ZCCHC14: variants seen among roughly 807,000 people sequenced by gnomAD.
The protein encoded by ZCCHC14 is zinc finger CCHC domain-containing protein 14.
In ZCCHC14, 16 loss-of-function variants were observed where a neutral mutation model predicts 85.0. The ratio of observed to expected loss-of-function variants is 0.19; its 90% CI spans 0.13 to 0.29. The LOEUF is 0.29. Ranked by LOEUF, ZCCHC14 falls within the 10% of genes least tolerant of loss-of-function variation. ZCCHC14 has a pLI of 1.00. For synonymous variants in ZCCHC14, 775 were observed against 630.7 expected, an observed-to-expected ratio of 1.23 and a Z score of -3.43; for missense variants, 1,303 against 1,443.5, an observed-to-expected ratio of 0.90 and a Z score of 1.58.
intron 1 of ZCCHC14, chr16:87,470,981 G>A (rs1436810866): frequency 1.3e-5 from 2 of 151,922 alleles, no homozygotes; most frequent in Non-Finnish European, 2.9e-5. Flanking sequence ...TACAAGATGT[G>A]AATGATATGA....
chr16:87,433,401 C>A (rs1245025899), intron 2 of ZCCHC14, among the ~76,000 whole-genome samples, 200 bp from the exon 3 acceptor site: 2 of 152,130 alleles, frequency 1.3e-5, no homozygotes, highest in Non-Finnish European at 2.9e-5. Flanking sequence ...AGATTCACAA[C>A]AGAAAGGAGG....
rs753551669 is a variant in ZCCHC14, at chr16:87,491,107, G to A, written c.570+562C>T. On this transcript the variant is annotated intron_variant, in intron 1 of 12. Transcript: ENST00000671377. The surrounding 1 kb of genome is among the most constrained non-coding windows in gnomAD (Gnocchi z 5.9). ...AATGTGTGTTATCTGTCACCCAAGGGCCCCATTAAGGGGACAAAGGCCTTA... is the reference window on the plus strand; with the variant it reads ...AATGTGTGTTATCTGTCACCCAAGGACCCCATTAAGGGGACAAAGGCCTTA... 6.6e-6 allele frequency among the ~76,000 whole-genome samples: 1 copy of A among 152,254 alleles called. No homozygotes were observed. The highest frequency in any genetic ancestry group is 1.5e-5 in the Non-Finnish European group (1 of 68,046).
At chr16:87,474,381 C>CT (rs1312262356) in intron 1 of ZCCHC14, 2 of 152,276 alleles carry the variant, frequency 1.3e-5, no homozygotes, top group African/African-American at 4.8e-5. Flanking sequence ...TAAAACCCCC[C>CT]TTCACAGCCT....
intron 3 of ZCCHC14, among the ~76,000 whole-genome samples, chr16:87,427,389 G>C (rs1385817542): frequency 1.3e-5 from 2 of 152,202 alleles, no homozygotes; most frequent in East Asian, 3.9e-4. Flanking sequence ...ACTCGGAGCA[G>C]TCAGTGTTGC....
At chr16:87,423,262 C>T (rs1909197207) in intron 4 of ZCCHC14, among the ~76,000 whole-genome samples, 1 of 152,104 alleles carries the variant, frequency 6.6e-6, no homozygotes, top group Non-Finnish European at 1.5e-5. Flanking sequence ...ATCTGCTGAA[C>T]CAGATATTTG....
intron 1 of ZCCHC14, among the ~76,000 whole-genome samples, chr16:87,464,402 C>T (rs776010811): frequency 1.3e-5 from 2 of 152,322 alleles, no homozygotes; most frequent in Non-Finnish European, 2.9e-5. Flanking sequence ...GAACCAACCA[C>T]GACCCCAAGT....
intron 1 of ZCCHC14, chr16:87,472,014 G>C (rs915491727): frequency 1.3e-5 from 2 of 152,124 alleles, no homozygotes; most frequent in African/African-American, 2.4e-5. Flanking sequence ...CAGTGCTTCT[G>C]AGCAACTACT....
intron 1 of ZCCHC14, chr16:87,472,592 G>C (rs78178425): frequency 2.0e-5 from 3 of 152,392 alleles, no homozygotes; most frequent in Admixed American, 6.5e-5. Flanking sequence ...AGGTGACAGC[G>C]AGGGAACACA....
At chr16:87,456,610 T>G (rs1313828611) in intron 2 of ZCCHC14, among the ~76,000 whole-genome samples, 1 of 151,324 alleles carries the variant, frequency 6.6e-6, no homozygotes, top group Non-Finnish European at 1.5e-5. Context: ...CATGTTCTAA[T>G]TGGTTGGGAT....
intron 3 of ZCCHC14, among the ~76,000 whole-genome samples, chr16:87,431,472 G>GAAAAA (rs537437083): frequency 3.5e-4 from 27 of 76,246 alleles, no homozygotes; most frequent in Non-Finnish European, 5.5e-4. Context: ...GGCTCTGTCT[G>GAAAAA]AAAAAAAAAA....
intron 10 of ZCCHC14, 27 bp from the exon 11 acceptor site, chr16:87,413,222 C>T (rs1481967995): frequency 3.3e-6 from 5 of 1,500,930 alleles, no homozygotes; most frequent in Non-Finnish European, 2.7e-6. Flanking sequence ...GAGGAGCAGC[C>T]ATCAACTAGC....
At chr16:87,426,496 G>A (rs574226424) in intron 3 of ZCCHC14, among the ~76,000 whole-genome samples, 2 of 152,336 alleles carry the variant, frequency 1.3e-5, no homozygotes, top group Admixed American at 1.3e-4. Context: ...CACACAGCCC[G>A]TGCATGCTCA....
At chr16:87,438,716 G>C (rs1265611132) in intron 2 of ZCCHC14, among the ~76,000 whole-genome samples, 3 of 152,182 alleles carry the variant, frequency 2.0e-5, no homozygotes, top group Non-Finnish European at 2.9e-5. Flanking sequence ...ACGAGGCCTG[G>C]GCCCACGGTC....
intron 2 of ZCCHC14, among the ~76,000 whole-genome samples, chr16:87,454,869 G>A (rs533589901): frequency 1.4e-4 from 22 of 152,232 alleles, no homozygotes; most frequent in Non-Finnish European, 2.6e-4. Context: ...CTGGTAAACG[G>A]CTGACAACTG....
At position 87,420,733 on chromosome 16, in the gene ZCCHC14, G is replaced by C. The variant is rs766329633; in HGVS notation, c.841-17C>G. On this transcript the variant is annotated splice_polypyrimidine_tract_variant and intron_variant, in intron 4 of 12. Transcript: ENST00000671377. This position sits in a 1 kb window ranked among gnomAD's most constrained non-coding sequence, Gnocchi z 5.0. ...CTGACATAGCTGGAAGAGAGGACAA[G>C]GTAGAGGAGGTGTGTCCAGACCCAT... The C allele has an allele frequency of 1.8e-5, 28 of 1,598,836 alleles. No homozygotes were observed. In the South Asian group the frequency reaches 2.9e-4, roughly 17 times the overall value.
At chr16:87,423,992 G>A (rs1249117402) in intron 3 of ZCCHC14, 111 bp from the exon 4 acceptor site, 1 of 1,142,014 alleles carries the variant, frequency 8.8e-7, no homozygotes, top group East Asian at 2.6e-5. Flanking sequence ...TGAGCCCAGT[G>A]GGCCGTGCAC....
rs181880287 is a variant in ZCCHC14, at chr16:87,437,497, C to T, written c.695-4296G>A. ...CGTAAAAATGGCGATTCGGCCACAG[C>T]GCGTGGCAGCCAAGGCCATGAGGAG... On this transcript the variant is annotated intron_variant, in intron 2 of 12. Coordinates refer to ENST00000671377, the MANE Select transcript of ZCCHC14 (RefSeq NM_015144.3). Among the ~76,000 whole-genome samples the T allele has an allele frequency of 1.4e-4, 22 of 152,284 alleles. No individual in the cohort carries two copies. In the East Asian group the frequency reaches 2.3e-3, roughly 16 times the overall value.
intron 2 of ZCCHC14, among the ~76,000 whole-genome samples, chr16:87,445,121 C>T (rs909542874): frequency 1.3e-5 from 2 of 150,452 alleles, no homozygotes; most frequent in Non-Finnish European, 2.9e-5. Context: ...GGCTGGAGTG[C>T]AGCGGTGTGA....
At chr16:87,467,111 C>T in intron 1 of ZCCHC14, 1 of 710,756 alleles carries the variant, frequency 1.4e-6, no homozygotes, top group East Asian at 2.6e-5. Context: ...CCTCTAACTC[C>T]TGGCCTCAAA....
Sources: allele counts gnomAD v4.1 joint callset (sites outside exome capture counted in the v4.1 genomes callset), GRCh38; gene constraint gnomAD v4.1.1; non-coding constraint Gnocchi (gnomAD v3.1); transcripts MANE v1.5; gene names NCBI Gene and HGNC (gene_info 2026-07-23, HGNC 2026-07-21).